Variants in ARHGEF12 observed in about 807,000 individuals in gnomAD.
The protein encoded by ARHGEF12 is Rho guanine nucleotide exchange factor 12, also known as KMT2A/ARHGEF12 fusion protein.
ARHGEF12 carries 66 observed loss-of-function variants against 211.2 expected under a neutral mutation model. The ratio of observed to expected loss-of-function variants is 0.31; its 90% CI spans 0.26 to 0.38. ARHGEF12 has a LOEUF of 0.38. Ranked by LOEUF, ARHGEF12 falls within the 10% of genes least tolerant of loss-of-function variation. ARHGEF12 has a pLI of 1.00. For missense variants in ARHGEF12, 1,429 were observed against 1,869.5 expected (o/e 0.76, Z 4.34); for synonymous variants, 592 against 638.4 (o/e 0.93, Z 1.09).
chr11:120,411,916 G>C (rs1305371670), intron 4 of ARHGEF12: 1 of 151,882 alleles, frequency 6.6e-6, no homozygotes, highest in East Asian at 1.9e-4. Context: ...CAAAATGCTG[G>C]GATTAAAGGC....
intron 1 of ARHGEF12, among the ~76,000 whole-genome samples, chr11:120,368,378 A>G (rs544496789): frequency 6.6e-6 from 1 of 152,218 alleles, no homozygotes; most frequent in South Asian, 2.1e-4. Flanking sequence ...CCAGGCCTCA[A>G]GAGATCCTCC....
chr11:120,472,601 C>T (rs142467594), intron 30 of ARHGEF12, among the ~76,000 whole-genome samples: 5 of 151,642 alleles, frequency 3.3e-5, no homozygotes, highest in South Asian at 2.1e-4. Flanking sequence ...ACCAAAGCCA[C>T]GGGAAGAGAG....
intron 1 of ARHGEF12, chr11:120,385,362 T>C: frequency 2.0e-6 from 2 of 985,380 alleles, no homozygotes; most frequent in South Asian, 9.4e-5. Context: ...GTCGAATGTA[T>C]ATATAAAGAA....
At chr11:120,467,606 CTTT>C (rs71050748) in intron 29 of ARHGEF12, among the ~76,000 whole-genome samples, 2 of 106,916 alleles carry the variant, frequency 1.9e-5, no homozygotes. Flanking sequence ...CCACACTTGG[CTTT>C]TTTTTTTTTT....
intron 1 of ARHGEF12, among the ~76,000 whole-genome samples, chr11:120,402,809 T>G (rs1213754071): frequency 6.6e-6 from 1 of 151,954 alleles, no homozygotes; most frequent in Non-Finnish European, 1.5e-5. Flanking sequence ...AAAAAACAAT[T>G]TCTAGCAGGC....
At chr11:120,477,171 T>C (rs1591641601) in intron 34 of ARHGEF12, 48 bp from the exon 35 acceptor site, 2 of 1,507,804 alleles carry the variant, frequency 1.3e-6, no homozygotes, top group South Asian at 1.2e-5. Flanking sequence ...TTAAAGGATA[T>C]TTCTTTTTTC....
chr11:120,446,680 C>T (rs1230630348), intron 17 of ARHGEF12, among the ~76,000 whole-genome samples, 172 bp downstream of exon 17: 1 of 152,072 alleles, frequency 6.6e-6, no homozygotes, highest in Non-Finnish European at 1.5e-5. Flanking sequence ...AACTGAGAGT[C>T]CAGACTCTCC....
rs1946397563 is a variant in ARHGEF12 at position 120,457,477 on chromosome 11, A to T, written c.2189+227A>T. ...GCCCCCACTTCAAACTGTAAAAAAT[A>T]AAATAAATAAATAAATAAATAAGTT... On this transcript the variant is annotated intron_variant, in intron 23 of 40. Coordinates refer to ENST00000397843, the MANE Select transcript of ARHGEF12 (RefSeq NM_015313.3). 5 of 441,230 alleles carry T rather than the reference A, an allele frequency of 1.1e-5. No individual in the cohort carries two copies. The South Asian group carries it at 2.6e-4, about 23-fold the overall frequency. The allele number at this position is 441,230 out of a possible 1,614,324, so 27.3% of individuals were successfully genotyped here.
chr11:120,423,627 C>T (rs1213779587), intron 6 of ARHGEF12, among the ~76,000 whole-genome samples: 8 of 151,748 alleles, frequency 5.3e-5, no homozygotes, highest in Admixed American at 4.6e-4. Context: ...AAAAGCCAGT[C>T]GTAATGTATA....
rs1274725235 is a variant in ARHGEF12 at position 120,489,150 on chromosome 11, T to G, written c.*4073T>G. ...TCCTGTCAGTGACTGTCAGACATCT[T>G]CCTGCTTATTAGAGCATCCCTAGCA... On this transcript the variant is annotated 3_prime_UTR_variant, in exon 41 of 41. Transcript: ENST00000397843. 1 of 227,128 alleles carries G rather than the reference T, an allele frequency of 4.4e-6. No homozygotes were observed. The highest frequency in any genetic ancestry group is 2.2e-5 in the African/African-American group (1 of 44,980). 14.1% of individuals were successfully genotyped at this position (227,128 alleles called of 1,614,324 possible).
Position 120,485,082 on chromosome 11 carries a change from G to A in ARHGEF12, c.*5G>A, listed in dbSNP as rs9625. ...TTCTTCTCAGATAAAAGTTAGAGCC[G>A]CATGTCCTGGAGGTGACTGCAGGTT... On this transcript the variant is annotated 3_prime_UTR_variant, in exon 41 of 41. Transcript: ENST00000397843. 22 of 1,612,694 alleles carry A rather than the reference G, an allele frequency of 1.4e-5. No homozygotes were observed. Among genetic ancestry groups the A allele is most frequent in the African/African-American group, 6.7e-5 (5 of 74,946 alleles).
At position 120,459,171 on chromosome 11, in the gene ARHGEF12, C is replaced by A; in HGVS notation, c.2381-3C>A. 6.2e-7 allele frequency: 1 copy of A among 1,603,008 alleles called. No individual in the cohort carries two copies. Among genetic ancestry groups the A allele is most frequent in the South Asian group, 1.1e-5 (1 of 88,646 alleles). ...CAACATTTCATATCTCTTTCCTGTT[C>A]AGAATTGTTCTACACTGAAAGAGCT... is the stretch of plus-strand genomic sequence containing the variant. On this transcript the variant is annotated splice_region_variant and splice_polypyrimidine_tract_variant and intron_variant, in intron 25 of 40. Coordinates refer to ENST00000397843, the MANE Select transcript of ARHGEF12 (RefSeq NM_015313.3).
chr11:120,351,082 A>G (rs1942923393), intron 1 of ARHGEF12, among the ~76,000 whole-genome samples: 1 of 151,850 alleles, frequency 6.6e-6, no homozygotes, highest in African/African-American at 2.4e-5. Flanking sequence ...GGGTGCGGTG[A>G]CTCACGCCTA....
At chr11:120,401,921 A>G (rs547991975) in intron 1 of ARHGEF12, among the ~76,000 whole-genome samples, 2 of 152,346 alleles carry the variant, frequency 1.3e-5, no homozygotes, top group Non-Finnish European at 2.9e-5. Context: ...ATTTGAATAC[A>G]TATCACCAAC....
intron 1 of ARHGEF12, among the ~76,000 whole-genome samples, chr11:120,352,176 T>C (rs1565421639): frequency 6.6e-6 from 1 of 151,934 alleles, no homozygotes; most frequent in East Asian, 1.9e-4. Flanking sequence ...ATTTCTGACA[T>C]GAGGGATTTT....
intron 1 of ARHGEF12, among the ~76,000 whole-genome samples, chr11:120,364,615 C>T (rs1266233666): frequency 6.6e-6 from 1 of 152,132 alleles, no homozygotes. Flanking sequence ...AAGGAACTCC[C>T]AGGGGACTGC....
At chr11:120,343,450 C>CTAGTG (rs747729241) in intron 1 of ARHGEF12, among the ~76,000 whole-genome samples, 6 of 152,254 alleles carry the variant, frequency 3.9e-5, no homozygotes, top group Non-Finnish European at 8.8e-5. Flanking sequence ...GCCTATGAAG[C>CTAGTG]TAGTGCCTGG....
rs766885844 is a variant in ARHGEF12 at position 120,337,205 on chromosome 11, C to T, written c.-39C>T. 6.2e-7 allele frequency: 1 copy of T among 1,613,888 alleles called. No individual in the cohort carries two copies. The highest frequency in any genetic ancestry group is 8.5e-7 in the Non-Finnish European group (1 of 1,179,832). ...GGGGAGGAGGTGTTACTGTAAAATG[C>T]AAGTTGGATAAAAGGAGGACCTCTC... On this transcript the variant is annotated 5_prime_UTR_variant, in exon 1 of 41. The change creates a premature stop within an existing upstream ORF in the 5' untranslated region. Transcript: ENST00000397843.
rs1375080143 is a variant in ARHGEF12, at chr11:120,425,478, G to GT, written c.406+1070dup. On this transcript the variant is annotated intron_variant, in intron 7 of 40. Transcript: ENST00000397843. ...TGTTTTTTGTTTTTTGTTTTGTCTT[G>GT]TTTTTTTGGTAGAGACAGGGTTTTG... Among the ~76,000 whole-genome samples the GT allele has an allele frequency of 4.0e-5, 6 of 150,778 alleles. No individual in the cohort carries two copies. The East Asian group carries it at 1.2e-3, about 30-fold the overall frequency.
Sources: gnomAD v4.1 joint callset for allele counts (sites outside exome capture counted in the v4.1 genomes callset) on GRCh38, gnomAD v4.1.1 for gene constraint, MANE v1.5 for transcripts, NCBI Gene and HGNC (gene_info 2026-07-23, HGNC 2026-07-21) for gene names.